The following KIF26B variants were observed in gnomAD, a reference collection of about 807,000 sequenced individuals.
The protein encoded by KIF26B is kinesin family member 26B, also known as kinesin-like protein KIF26B.
A neutral mutation model predicts 151.2 loss-of-function variants in KIF26B; 63 were observed. The observed-to-expected ratio is 0.42, with a 90% CI of 0.34 to 0.51. The LOEUF is 0.51. KIF26B is among the 20% of genes least tolerant of loss of function. The probability of loss-of-function intolerance (pLI) is 0.07; values close to 1 mark genes in which losing one functional copy is unlikely to be tolerated. For synonymous variants in KIF26B, 1,357 were observed against 1,262.1 expected (o/e 1.08, Z -1.59); for missense variants, 2,813 against 2,913.6 (o/e 0.97, Z 0.79).
chr1:245,378,616 A>C (rs995335073), intron 3 of KIF26B, among the ~76,000 whole-genome samples: 1 of 152,198 alleles, frequency 6.6e-6, no homozygotes. Flanking sequence ...AGAGCCAGGG[A>C]GTATGCAGGC....
At chr1:245,430,691 G>C (rs1334937986) in intron 4 of KIF26B, among the ~76,000 whole-genome samples, 1 of 151,948 alleles carries the variant, frequency 6.6e-6, no homozygotes, top group Non-Finnish European at 1.5e-5. Context: ...AATCATAATA[G>C]CCTACATTTT....
intron 4 of KIF26B, among the ~76,000 whole-genome samples, chr1:245,480,894 A>G (rs1363410466): frequency 1.3e-5 from 2 of 151,606 alleles, no homozygotes; most frequent in African/African-American, 4.8e-5. Flanking sequence ...CCATTTCCTC[A>G]TTTTATAGAA....
At chr1:245,461,384 C>T (rs1292175067) in intron 4 of KIF26B, among the ~76,000 whole-genome samples, 2 of 151,902 alleles carry the variant, frequency 1.3e-5, no homozygotes, top group Non-Finnish European at 2.9e-5. Flanking sequence ...CAGGCCCAAG[C>T]AATGCCCCCA....
intron 2 of KIF26B, among the ~76,000 whole-genome samples, chr1:245,230,148 A>AAAACG (rs1008074403): frequency 1.4e-5 from 2 of 144,202 alleles, no homozygotes; most frequent in African/African-American, 5.5e-5. Context: ...AAAACAAAAC[A>AAAACG]AAAAGCAAAA....
At chr1:245,178,417 C>T (rs986765954) in intron 2 of KIF26B, among the ~76,000 whole-genome samples, 5 of 151,964 alleles carry the variant, frequency 3.3e-5, no homozygotes, top group South Asian at 4.2e-4. Context: ...TCTCTTCAGT[C>T]GTCAGTCTCT....
At chr1:245,179,831 C>A (rs1668872961) in intron 2 of KIF26B, among the ~76,000 whole-genome samples, 1 of 152,124 alleles carries the variant, frequency 6.6e-6, no homozygotes, top group African/African-American at 2.4e-5. Flanking sequence ...CAGGTGTTTG[C>A]TTTGGAGACA....
rs928167560 is a variant in KIF26B, at chr1:245,707,787, A to T, written c.*5181A>T. The T allele has an allele frequency of 1.3e-5, 2 of 152,304 alleles. No individual in the cohort carries two copies. The highest frequency in any genetic ancestry group is 1.9e-4 in the East Asian group (1 of 5,178). 9.4% of individuals were successfully genotyped at this position (152,304 alleles called of 1,614,324 possible). The stretch of plus-strand genomic sequence containing the variant: ...ATCCCTTCGTTTTGAATTTGATGAG[A>T]ATGGGCTTGGAAATCCACGCCCACC... On this transcript the variant is annotated 3_prime_UTR_variant, in exon 15 of 15. Coordinates refer to ENST00000407071, the MANE Select transcript of KIF26B (RefSeq NM_018012.4).
At chr1:245,293,331 G>A (rs533113889) in intron 2 of KIF26B, among the ~76,000 whole-genome samples, 1 of 152,122 alleles carries the variant, frequency 6.6e-6, no homozygotes, top group East Asian at 1.9e-4. Context: ...GGTGGTTGAC[G>A]GCCACAGGAG....
intron 2 of KIF26B, among the ~76,000 whole-genome samples, chr1:245,293,578 CT>C (rs138673467): frequency 1.8e-3 from 250 of 139,374 alleles, no homozygotes; most frequent in South Asian, 7.8e-3. Flanking sequence ...TCTTTCTTTC[CT>C]TTTTTTTTTT....
intron 3 of KIF26B, among the ~76,000 whole-genome samples, chr1:245,390,948 A>AACAAAACAAAACAAAAC (rs1673682298): frequency 7.8e-6 from 1 of 127,842 alleles, no homozygotes; most frequent in African/African-American, 2.9e-5. Flanking sequence ...AAAAAAAAAA[A>AACAAAACAAAACAAAAC]AAAACCACCA....
chr1:245,394,238 T>A (rs1673768940), intron 3 of KIF26B, among the ~76,000 whole-genome samples: 1 of 152,240 alleles, frequency 6.6e-6, no homozygotes, highest in Admixed American at 6.5e-5. Context: ...TTAAAAATTC[T>A]TTATTGTCAT....
At chr1:245,285,360 A>G (rs1352201709) in intron 2 of KIF26B, among the ~76,000 whole-genome samples, 1 of 152,234 alleles carries the variant, frequency 6.6e-6, no homozygotes, top group Non-Finnish European at 1.5e-5. Context: ...TGTGGTCCTC[A>G]GTCCAATAGG....
Position 245,571,259 on chromosome 1 carries a change from T to G in KIF26B, c.1350+30309T>G, listed in dbSNP as rs1488071522. 4.6e-5 allele frequency among the ~76,000 whole-genome samples: 7 copies of G among 152,306 alleles called. No homozygotes were observed. The East Asian group carries it at 9.7e-4, about 21-fold the overall frequency. On this transcript the variant is annotated intron_variant, in intron 5 of 14. Coordinates refer to ENST00000407071, the MANE Select transcript of KIF26B (RefSeq NM_018012.4). ...GTTAGTGATGTACCTAAGGGTGGTGTTAGGACTGACCGGGGCTCCCCTCCC... is the reference window on the plus strand; with the variant it reads ...GTTAGTGATGTACCTAAGGGTGGTGGTAGGACTGACCGGGGCTCCCCTCCC...
intron 2 of KIF26B, among the ~76,000 whole-genome samples, chr1:245,256,382 A>G (rs1258857386): frequency 6.6e-6 from 1 of 152,170 alleles, no homozygotes; most frequent in African/African-American, 2.4e-5. Context: ...TGAATGTTAG[A>G]TTTAGAAGGG....
Position 245,283,212 on chromosome 1 carries a change from G to A in KIF26B, c.466-83622G>A, listed in dbSNP as rs555936388. On this transcript the variant is annotated intron_variant, in intron 2 of 14. Coordinates refer to ENST00000407071, the MANE Select transcript of KIF26B (RefSeq NM_018012.4). ...CAGCCACTGACAGCAAGCTCAATCCGCACAAGTCCACCGACAGCAAGCCCA... is the reference window on the plus strand; with the variant it reads ...CAGCCACTGACAGCAAGCTCAATCCACACAAGTCCACCGACAGCAAGCCCA... The A allele has an allele frequency of 1.4e-4, 22 of 158,400 alleles. No homozygotes were observed. The South Asian group carries it at 2.7e-3, about 19-fold the overall frequency. The allele number at this position is 158,400 out of a possible 1,614,324, so 9.8% of individuals were successfully genotyped here. A position where few individuals can be genotyped will look rare whatever the true frequency, so the allele number is the denominator to read the frequency against.
At chr1:245,286,443 G>A (rs566593196) in intron 2 of KIF26B, among the ~76,000 whole-genome samples, 5 of 152,108 alleles carry the variant, frequency 3.3e-5, no homozygotes, top group African/African-American at 1.2e-4. Flanking sequence ...CCAGTTGGGC[G>A]AGGCACGAGA....
intron 4 of KIF26B, among the ~76,000 whole-genome samples, chr1:245,420,551 A>G (rs1207507085): frequency 6.6e-6 from 1 of 152,230 alleles, no homozygotes; most frequent in Non-Finnish European, 1.5e-5. Context: ...TGAACCTTGG[A>G]AAACTTTCTC....
At chr1:245,637,595 T>C (rs1242794371) in intron 9 of KIF26B, among the ~76,000 whole-genome samples, 1 of 151,982 alleles carries the variant, frequency 6.6e-6, no homozygotes, top group Non-Finnish European at 1.5e-5. Context: ...GCCAATGTCC[T>C]GTAGTATCTC....
chr1:245,311,986 G>A (rs115166856), intron 2 of KIF26B, among the ~76,000 whole-genome samples: 7 of 152,210 alleles, frequency 4.6e-5, no homozygotes, highest in African/African-American at 1.7e-4. Flanking sequence ...CTGAATTGAG[G>A]TGAGGTTTTA....
Sources: allele counts gnomAD v4.1 joint callset (sites outside exome capture counted in the v4.1 genomes callset), GRCh38; gene constraint gnomAD v4.1.1; transcripts MANE v1.5; gene names NCBI Gene and HGNC (gene_info 2026-07-23, HGNC 2026-07-21).